The following SLC4A10 variants were observed in gnomAD, a reference collection of about 807,000 sequenced individuals.
SLC4A10 encodes sodium-driven chloride bicarbonate exchanger.
A neutral mutation model predicts 137.7 loss-of-function variants in SLC4A10; 42 were observed. That is an observed-to-expected ratio of 0.30 (90% confidence interval 0.24 to 0.39). The LOEUF (loss-of-function observed/expected upper bound fraction) is 0.39. Ranked by LOEUF, SLC4A10 falls within the 10% of genes least tolerant of loss-of-function variation. The pLI is 1.00. For missense variants in SLC4A10, 925 were observed against 1,355.0 expected, an observed-to-expected ratio of 0.68 and a Z score of 4.98; for synonymous variants, 474 against 464.1, an observed-to-expected ratio of 1.02 and a Z score of -0.27.
Position 161,841,233 on chromosome 2 carries a change from G to A in SLC4A10, c.416+1306G>A, listed in dbSNP as rs377259521. ...GCTGAGACCACAGTCATCTGCCACC[G>A]CGCCCAGCTAATTTTTGTATTTTTA... On this transcript the variant is annotated intron_variant, in intron 4 of 26. Coordinates refer to ENST00000446997, the MANE Select transcript of SLC4A10 (RefSeq NM_001178015.2). Among the ~76,000 whole-genome samples the A allele has an allele frequency of 1.7e-3, 251 of 151,832 alleles. 9 individuals carry two copies. The South Asian group carries it at 0.048, about 29-fold the overall frequency.
At position 161,721,250 on chromosome 2, in the gene SLC4A10, T is replaced by C. The variant is rs187387690; in HGVS notation, c.49-49723T>C. Among the ~76,000 whole-genome samples the C allele has an allele frequency of 2.0e-5, 3 of 152,310 alleles. No individual in the cohort carries two copies. The East Asian group carries it at 5.8e-4, about 29-fold the overall frequency. On this transcript the variant is annotated intron_variant, in intron 1 of 26. Coordinates refer to ENST00000446997, the MANE Select transcript of SLC4A10 (RefSeq NM_001178015.2). ...TGATGCTAGCTAGTTATTTTGTAGATTTGTTAGTGTAGTTGCTTCATAGAG... is the reference window on the plus strand; with the variant it reads ...TGATGCTAGCTAGTTATTTTGTAGACTTGTTAGTGTAGTTGCTTCATAGAG...
At chr2:161,844,853 G>C (rs1018517204) in intron 4 of SLC4A10, among the ~76,000 whole-genome samples, 3 of 152,034 alleles carry the variant, frequency 2.0e-5, no homozygotes, top group Admixed American at 6.6e-5. Context: ...GATGAAAACA[G>C]ATCCAGACAT....
intron 1 of SLC4A10, among the ~76,000 whole-genome samples, chr2:161,667,357 T>C (rs554387753): frequency 2.4e-4 from 36 of 151,842 alleles, no homozygotes; most frequent in Admixed American, 2.0e-3. Context: ...AACTAATGTC[T>C]CTGCCTTCCA....
intron 1 of SLC4A10, among the ~76,000 whole-genome samples, chr2:161,656,544 A>G (rs1391326592): frequency 1.3e-5 from 2 of 152,200 alleles, no homozygotes; most frequent in African/African-American, 4.8e-5. Flanking sequence ...ATCACTACTC[A>G]GTTATTATGT....
intron 6 of SLC4A10, among the ~76,000 whole-genome samples, chr2:161,871,208 G>A (rs2061096785): frequency 6.6e-6 from 1 of 151,830 alleles, no homozygotes; most frequent in Non-Finnish European, 1.5e-5. Flanking sequence ...AGAGACTGAA[G>A]TGATTAGAGA....
At chr2:161,948,755 A>G (rs1335158057) in intron 17 of SLC4A10, among the ~76,000 whole-genome samples, 1 of 152,112 alleles carries the variant, frequency 6.6e-6, no homozygotes, top group Non-Finnish European at 1.5e-5. Flanking sequence ...CTTCAAGTTT[A>G]TCATATTAAA....
chr2:161,722,172 C>T (rs1021513992), intron 1 of SLC4A10, among the ~76,000 whole-genome samples: 6 of 152,184 alleles, frequency 3.9e-5, no homozygotes, highest in Non-Finnish European at 8.8e-5. Flanking sequence ...CTTCTGCAGC[C>T]TACTTTTGTC....
intron 2 of SLC4A10, among the ~76,000 whole-genome samples, chr2:161,802,559 C>G (rs1413777095): frequency 2.0e-5 from 3 of 152,032 alleles, no homozygotes; most frequent in African/African-American, 4.8e-5. Context: ...TCTTCTGAAA[C>G]TCATTATTGT....
intron 3 of SLC4A10, among the ~76,000 whole-genome samples, chr2:161,831,339 T>C (rs1223015742): frequency 3.3e-5 from 5 of 152,220 alleles, no homozygotes; most frequent in African/African-American, 4.8e-5. Flanking sequence ...ATTTCAGTAA[T>C]TGCTCTATAG....
At chr2:161,636,400 T>C (rs2034396179) in intron 1 of SLC4A10, among the ~76,000 whole-genome samples, 1 of 152,176 alleles carries the variant, frequency 6.6e-6, no homozygotes. Flanking sequence ...TTGTTATTTA[T>C]TCACCTTTTT....
In SLC4A10 at chr2:161,683,598, A is replaced by G. The variant is rs563416403; in HGVS notation, c.48+59032A>G. The stretch of plus-strand genomic sequence containing the variant: ...CTTTTGTTGGTTGGTTGAAATGTTT[A>G]GAGATTTCTTAGGTTTTAAAATCTC... On this transcript the variant is annotated intron_variant, in intron 1 of 26. Coordinates refer to ENST00000446997, the MANE Select transcript of SLC4A10 (RefSeq NM_001178015.2). Among the ~76,000 whole-genome samples the G allele has an allele frequency of 1.8e-3, 268 of 152,298 alleles. 1 individual carries two copies. Among genetic ancestry groups the G allele is most frequent in the African/African-American group, 6.2e-3 (256 of 41,574 alleles).
intron 6 of SLC4A10, 144 bp from the exon 7 acceptor site, chr2:161,872,149 T>C (rs2061168212): frequency 2.1e-6 from 1 of 468,162 alleles, no homozygotes; most frequent in Non-Finnish European, 3.9e-6. Context: ...TTAATATAGA[T>C]TTATTTATAT....
At chr2:161,744,825 T>TA (rs149944773) in intron 1 of SLC4A10, among the ~76,000 whole-genome samples, 12,388 of 152,270 alleles carry the variant, frequency 0.081, 644 homozygotes, top group East Asian at 0.14. Context: ...ATATTGTAGT[T>TA]TTATTTTTGA....
chr2:161,815,018 T>G (rs900997070), intron 3 of SLC4A10, among the ~76,000 whole-genome samples: 1 of 152,120 alleles, frequency 6.6e-6, no homozygotes, highest in African/African-American at 2.4e-5. Context: ...ACCTATTTTA[T>G]AACAAAAATA....
intron 3 of SLC4A10, among the ~76,000 whole-genome samples, chr2:161,827,980 G>A (rs1349162855): frequency 6.6e-6 from 1 of 152,114 alleles, no homozygotes; most frequent in Non-Finnish European, 1.5e-5. Flanking sequence ...ATATAAGGAG[G>A]CCAATATCAG....
At chr2:161,918,221 T>A (rs1049189706) in intron 15 of SLC4A10, among the ~76,000 whole-genome samples, 5 of 152,212 alleles carry the variant, frequency 3.3e-5, no homozygotes, top group African/African-American at 9.6e-5. Flanking sequence ...AGCGGTGCAA[T>A]CTCAGCTCAC....
chr2:161,732,564 T>C (rs914715733), intron 1 of SLC4A10, among the ~76,000 whole-genome samples: 1 of 152,256 alleles, frequency 6.6e-6, no homozygotes, highest in African/African-American at 2.4e-5. Flanking sequence ...CATCATATTT[T>C]ATGAGTATGT....
chr2:161,953,738 G>C (rs1429321894), intron 19 of SLC4A10, among the ~76,000 whole-genome samples: 1 of 152,168 alleles, frequency 6.6e-6, no homozygotes. Context: ...CGAACTCATT[G>C]CATCCTATGA....
At chr2:161,823,452 G>C (rs2057783832) in intron 3 of SLC4A10, among the ~76,000 whole-genome samples, 1 of 152,172 alleles carries the variant, frequency 6.6e-6, no homozygotes, top group Non-Finnish European at 1.5e-5. Context: ...GCCGTAAAAA[G>C]AATGATCTCT....
Sources: allele counts gnomAD v4.1 joint callset (sites outside exome capture counted in the v4.1 genomes callset), GRCh38; gene constraint gnomAD v4.1.1; transcripts MANE v1.5; gene names NCBI Gene and HGNC (gene_info 2026-07-23, HGNC 2026-07-21).